Variants in PTPRT observed in about 807,000 individuals in gnomAD.
The protein encoded by PTPRT is receptor-type tyrosine-protein phosphatase T.
In PTPRT, 56 loss-of-function variants were observed where a neutral mutation model predicts 176.8. The ratio of observed to expected loss-of-function variants is 0.32; its 90% confidence interval spans 0.26 to 0.40. PTPRT has a LOEUF of 0.40. PTPRT is among the 10% of genes least tolerant of loss of function. The pLI, the probability that PTPRT is intolerant of heterozygous loss-of-function variation, is 1.00. For synonymous variants in PTPRT, 783 were observed against 739.0 expected (o/e 1.06, Z -0.96); for missense variants, 1,540 against 1,908.2 (o/e 0.81, Z 3.60).
At chr20:42,836,043 T>G (rs1484858556) in intron 2 of PTPRT, among the ~76,000 whole-genome samples, 1 of 152,074 alleles carries the variant, frequency 6.6e-6, no homozygotes, top group Non-Finnish European at 1.5e-5. Flanking sequence ...CCTGGTCTAA[T>G]TTTTCCATTG....
At chr20:42,265,566 C>T (rs1273839860) in intron 13 of PTPRT, among the ~76,000 whole-genome samples, 3 of 152,142 alleles carry the variant, frequency 2.0e-5, no homozygotes, top group Admixed American at 6.5e-5. Context: ...TCCTGACAGG[C>T]TGTGCCCCTG....
rs117820207 is a variant in PTPRT, at chr20:42,199,500, C to G, written c.2343-112G>C. The G allele has an allele frequency of 6.9e-3, 8,555 of 1,232,806 alleles. 78 individuals carry two copies. Among genetic ancestry groups the G allele is most frequent in the South Asian group, 0.032 (2,114 of 65,076 alleles). The allele number at this position is 1,232,806 out of a possible 1,614,324, so 76.4% of individuals were successfully genotyped here. ...TCATCCTCAACCCCCAAATCTGGTT[C>G]ATTCTCCAGAAAAAGAATCAAGGCA... On this transcript the variant is annotated intron_variant, in intron 15 of 30. Transcript: ENST00000373187.
intron 1 of PTPRT, among the ~76,000 whole-genome samples, chr20:43,014,832 T>C (rs937515532): frequency 1.3e-5 from 2 of 152,202 alleles, no homozygotes; most frequent in Admixed American, 6.5e-5. Context: ...TATGACACTT[T>C]GCATGTCAAA....
chr20:42,633,528 G>T (rs1165333341), intron 7 of PTPRT, among the ~76,000 whole-genome samples: 1 of 147,326 alleles, frequency 6.8e-6, no homozygotes, highest in Non-Finnish European at 1.5e-5. Context: ...AGGAGCTATG[G>T]CTCACACCTG....
At chr20:42,376,737 G>T (rs1325937464) in intron 9 of PTPRT, among the ~76,000 whole-genome samples, 4 of 152,128 alleles carry the variant, frequency 2.6e-5, no homozygotes, top group African/African-American at 9.7e-5. Flanking sequence ...CAGACAGAAG[G>T]AGCAGCTCAA....
intron 13 of PTPRT, among the ~76,000 whole-genome samples, chr20:42,254,458 A>G (rs946584673): frequency 2.0e-5 from 3 of 152,284 alleles, no homozygotes; most frequent in Non-Finnish European, 4.4e-5. Context: ...GAGATTATTG[A>G]CTTTGAAGGT....
At chr20:42,703,011 G>A (rs2075997446) in intron 6 of PTPRT, among the ~76,000 whole-genome samples, 1 of 152,222 alleles carries the variant, frequency 6.6e-6, no homozygotes, top group Non-Finnish European at 1.5e-5. Context: ...TATGATCAGA[G>A]TAGGTTCAGA....
chr20:42,946,013 C>G (rs1307205636), intron 1 of PTPRT, among the ~76,000 whole-genome samples: 1 of 152,196 alleles, frequency 6.6e-6, no homozygotes, highest in African/African-American at 2.4e-5. Context: ...GCTTCTTTCA[C>G]TTAGAATAAT....
chr20:43,004,170 TA>T lies in PTPRT; in HGVS notation c.89-118239del, dbSNP rs10618644. ...AACGTTTTAAATCACAACCAAGATG[TA>T]AAAAAAAAAAAAAAAGACTACAAAT... On this transcript the variant is annotated intron_variant, in intron 1 of 30. Coordinates refer to ENST00000373187, the MANE Select transcript of PTPRT (RefSeq NM_007050.6). 9.2e-3 allele frequency among the ~76,000 whole-genome samples: 1,175 copies of T among 127,274 alleles called. 5 individuals carry two copies. Among genetic ancestry groups the T allele is most frequent in the South Asian group, 0.049 (187 of 3,832 alleles). 83.5% of individuals were successfully genotyped at this position (127,274 alleles called of 152,430 possible).
At chr20:42,289,742 A>G (rs1251898724) in intron 12 of PTPRT, among the ~76,000 whole-genome samples, 1 of 152,066 alleles carries the variant, frequency 6.6e-6, no homozygotes, top group African/African-American at 2.4e-5. Flanking sequence ...GAAGTTTTTA[A>G]CTTTCCTTAA....
intron 17 of PTPRT, among the ~76,000 whole-genome samples, chr20:42,158,898 T>C (rs965795821): frequency 6.6e-6 from 1 of 152,204 alleles, no homozygotes; most frequent in African/African-American, 2.4e-5. Context: ...AGCTGTTCAT[T>C]TCCATGCTAG....
At chr20:42,606,476 G>A (rs1011500592) in intron 7 of PTPRT, among the ~76,000 whole-genome samples, 2 of 152,156 alleles carry the variant, frequency 1.3e-5, no homozygotes, top group African/African-American at 4.8e-5. Context: ...CCAGGCCCTG[G>A]GGGAATGACA....
rs1555797959 is a variant in PTPRT, at chr20:42,184,541, C to CTCTTCCTCTTCTTCT, written c.2491+14698_2491+14699insAGAAGAAGAGGAAGA. 2.0e-3 allele frequency among the ~76,000 whole-genome samples: 182 copies of CTCTTCCTCTTCTTCT among 91,620 alleles called. 6 individuals are homozygous for CTCTTCCTCTTCTTCT. The highest frequency in any genetic ancestry group is 7.3e-3 in the African/African-American group (158 of 21,682). 60.1% of individuals were successfully genotyped at this position (91,620 alleles called of 152,430 possible). ...CTCCTTCTTCTTCTTCTTCCTCTTC[C>CTCTTCCTCTTCTTCT]TCTTCTTCTTCTTCTTCTTATTCTT... On this transcript the variant is annotated intron_variant, in intron 16 of 30. Transcript: ENST00000373187.
At chr20:42,648,820 G>GTTTTTTTTTTTT (rs68036487) in intron 7 of PTPRT, among the ~76,000 whole-genome samples, 2 of 111,834 alleles carry the variant, frequency 1.8e-5, no homozygotes, top group Admixed American at 9.3e-5. Context: ...TGGTGTCGTT[G>GTTTTTTTTTTTT]TTTTTTTTTT....
intron 9 of PTPRT, among the ~76,000 whole-genome samples, chr20:42,447,766 A>G (rs2070758647): frequency 6.6e-6 from 1 of 152,176 alleles, no homozygotes; most frequent in South Asian, 2.1e-4. Flanking sequence ...CCTTGGGCAC[A>G]GAGCAATTTA....
At chr20:42,808,836 T>C (rs1469227502) in intron 2 of PTPRT, among the ~76,000 whole-genome samples, 6 of 152,182 alleles carry the variant, frequency 3.9e-5, no homozygotes, top group African/African-American at 1.2e-4. Context: ...GCTACTTGGG[T>C]GACTGTTGGG....
At chr20:42,982,747 C>T (rs897957513) in intron 1 of PTPRT, among the ~76,000 whole-genome samples, 2 of 152,164 alleles carry the variant, frequency 1.3e-5, no homozygotes, top group Non-Finnish European at 2.9e-5. Flanking sequence ...GCCTCCATCC[C>T]TCTGCTCCTC....
chr20:43,140,648 T>C (rs948241980), intron 1 of PTPRT, among the ~76,000 whole-genome samples: 1 of 152,172 alleles, frequency 6.6e-6, no homozygotes, highest in Non-Finnish European at 1.5e-5. Context: ...TCATCTGCTT[T>C]TCTTTGAGTC....
At chr20:43,038,554 A>G (rs1986476583) in intron 1 of PTPRT, among the ~76,000 whole-genome samples, 1 of 152,212 alleles carries the variant, frequency 6.6e-6, no homozygotes, top group African/African-American at 2.4e-5. Context: ...TAAATCAGAA[A>G]AAAGGATATC....
Sources: gnomAD v4.1 joint callset for allele counts (sites outside exome capture counted in the v4.1 genomes callset) on GRCh38, gnomAD v4.1.1 for gene constraint, MANE v1.5 for transcripts, NCBI Gene and HGNC (gene_info 2026-07-23, HGNC 2026-07-21) for gene names.